The following RFC1 variants were observed in gnomAD, a reference collection of about 807,000 sequenced individuals.
RFC1 encodes the protein replication factor C subunit 1, also known as A1 140 kDa subunit.
A neutral mutation model predicts 137.4 loss-of-function variants in RFC1; 37 were observed. That is an observed-to-expected ratio of 0.27 (90% CI 0.21 to 0.35). The LOEUF is 0.35. RFC1 is among the 10% of genes least tolerant of loss of function. RFC1 has a pLI of 1.00. For synonymous variants in RFC1, 429 were observed against 455.7 expected, an observed-to-expected ratio of 0.94 and a Z score of 0.75; for missense variants, 1,205 against 1,358.5, an observed-to-expected ratio of 0.89 and a Z score of 1.78.
At position 39,308,761 on chromosome 4, in the gene RFC1, A is replaced by G; in HGVS notation, c.1760T>C (p.Val587Ala). 1 of 1,614,112 alleles carries G rather than the reference A, an allele frequency of 6.2e-7. No individual in the cohort carries two copies. Among genetic ancestry groups the G allele is most frequent in the Non-Finnish European group, 8.5e-7 (1 of 1,180,014 alleles). The part of the protein sequence containing the change: ...SENKVENLLW[V>A]DKYKPTSLKT... ...GAGCGAGGTTGGCTTATATTTATCC[A>G]CCCAGAGCAAATTTTCCACTTTGTT... The change falls in exon 13 of 25, where the codon GTG (valine) becomes GCG (alanine). Residue 587 changes from valine to alanine, a missense_variant. By Grantham distance (64) the Val-to-Ala change is moderately conservative. Around this residue, in one of 3 missense-constraint regions of RFC1, gnomAD observed 962 missense variants for 1,035.3 expected, o/e 0.93. Transcript: ENST00000349703.
intron 23 of RFC1, among the ~76,000 whole-genome samples, chr4:39,290,300 G>A (rs988488760): frequency 3.9e-5 from 6 of 151,948 alleles, no homozygotes; most frequent in African/African-American, 1.5e-4. Context: ...TTGAACCCAG[G>A]AGGTGGAGGT....
chr4:39,294,829 C>T (rs1393033950), intron 22 of RFC1, among the ~76,000 whole-genome samples: 1 of 152,132 alleles, frequency 6.6e-6, no homozygotes, highest in Non-Finnish European at 1.5e-5. Flanking sequence ...ACGATGAAAC[C>T]CCATATCTAC....
At chr4:39,320,180 T>C (rs1012522249) in intron 9 of RFC1, among the ~76,000 whole-genome samples, 2 of 151,816 alleles carry the variant, frequency 1.3e-5, no homozygotes, top group Admixed American at 1.3e-4. Context: ...AGAAACCCCG[T>C]CTCTACTAAA....
chr4:39,342,314 C>T (rs746621362), intron 4 of RFC1, 31 bp downstream of exon 4: 23 of 1,592,930 alleles, frequency 1.4e-5, no homozygotes, highest in African/African-American at 4.0e-5. Flanking sequence ...ATAACACACA[C>T]GGCATCTCAT....
At chr4:39,324,101 C>T (rs949562911) in intron 6 of RFC1, among the ~76,000 whole-genome samples, 1 of 152,152 alleles carries the variant, frequency 6.6e-6, no homozygotes, top group Non-Finnish European at 1.5e-5. Context: ...GAGTATCTTT[C>T]TCATTATAAA....
Position 39,291,728 on chromosome 4 carries a change from A to G in RFC1, c.3079T>C (p.Tyr1027His). Residue 1027 changes from tyrosine to histidine, a missense_variant, in exon 23 of 25, where the codon TAT (tyrosine) becomes CAT (histidine). Physicochemically the swap from Tyr to His is moderately conservative, Grantham distance 83 (BLOSUM62 2). Coordinates refer to ENST00000349703, the MANE Select transcript of RFC1 (RefSeq NM_002913.5). Reference sequence around the variant, plus strand: ...TCAAAGTCTTCTTTCATCAAATAATATGTGTCCATAAGTGCAACAACATCC... The same window carrying G: ...TCAAAGTCTTCTTTCATCAAATAATGTGTGTCCATAAGTGCAACAACATCC... ...VQDVVALMDT[Y>H]YLMKEDFENI... The G allele has an allele frequency of 6.2e-7, 1 of 1,614,022 alleles. No homozygotes were observed. Among genetic ancestry groups the G allele is most frequent in the South Asian group, 1.1e-5 (1 of 91,080 alleles).
chr4:39,337,099 G>C (rs1740391235), intron 4 of RFC1, among the ~76,000 whole-genome samples: 1 of 152,192 alleles, frequency 6.6e-6, no homozygotes, highest in Non-Finnish European at 1.5e-5. Context: ...TGTAGGCCAG[G>C]TGCAGTGGCT....
intron 21 of RFC1, among the ~76,000 whole-genome samples, chr4:39,299,610 CAA>C (rs970461214): frequency 1.5e-4 from 6 of 40,476 alleles, no homozygotes; most frequent in Non-Finnish European, 2.1e-4. Context: ...AACACTGTCT[CAA>C]AAAAAAAAAA....
Position 39,323,374 on chromosome 4 carries a change from A to G in RFC1, c.686T>C (p.Leu229Ser), listed in dbSNP as rs1215006062. 9 of 1,613,982 alleles carry G rather than the reference A, an allele frequency of 5.6e-6. No individual in the cohort carries two copies. The East Asian group carries it at 2.0e-4, about 36-fold the overall frequency. The part of the protein sequence containing the change: ...LHEDEEFART[L>S]AMLDEEPKTK... ...CTTGGGTTCTTCATCCAACATGGCT[A>G]ATGTTCTGGCAAACTCTTCATCTTC... is the stretch of plus-strand genomic sequence containing the variant. Residue 229 changes from leucine (L) to serine (S), a missense_variant, in exon 7 of 25, where the codon TTA becomes TCA. Leu to Ser is a moderately radical substitution (Grantham distance 145). Coordinates refer to ENST00000349703, the MANE Select transcript of RFC1 (RefSeq NM_002913.5).
intron 4 of RFC1, among the ~76,000 whole-genome samples, chr4:39,331,887 C>T (rs1357177210): frequency 6.6e-6 from 1 of 152,006 alleles, no homozygotes; most frequent in Non-Finnish European, 1.5e-5. Flanking sequence ...CTTGGCTGTG[C>T]CCTTAACCCA....
At chr4:39,365,324 C>CA (rs758174727) in intron 1 of RFC1, 66 of 346,166 alleles carry the variant, frequency 1.9e-4, no homozygotes, top group Non-Finnish European at 2.5e-4. Flanking sequence ...CGCCCCCCCC[C>CA]AGAATGTTGT....
chr4:39,297,784 C>T (rs551120545), intron 21 of RFC1: 1 of 152,228 alleles, frequency 6.6e-6, no homozygotes, highest in Admixed American at 6.5e-5. Flanking sequence ...AATTCCCTCA[C>T]AAGCACTTTT....
intron 13 of RFC1, among the ~76,000 whole-genome samples, chr4:39,307,899 T>C (rs1003427485): frequency 6.6e-6 from 1 of 152,212 alleles, no homozygotes; most frequent in Non-Finnish European, 1.5e-5. Flanking sequence ...GCAATGATGA[T>C]TGGCAATCTA....
intron 9 of RFC1, 55 bp downstream of exon 9, chr4:39,320,328 A>G: frequency 2.1e-6 from 3 of 1,427,312 alleles, no homozygotes; most frequent in Non-Finnish European, 2.7e-6. Context: ...CAACCTCAGC[A>G]ACAAGAGCAA....
intron 4 of RFC1, among the ~76,000 whole-genome samples, chr4:39,329,148 A>AAAAAAAAAAAAAAAAAC: frequency 7.2e-6 from 1 of 138,548 alleles, no homozygotes; most frequent in Non-Finnish European, 1.6e-5. Context: ...AAAAAAAAAA[A>AAAAAAAAAAAAAAAAAC]AAAAAGCTTT....
intron 14 of RFC1, among the ~76,000 whole-genome samples, chr4:39,305,740 T>C (rs1738607796): frequency 6.6e-6 from 1 of 152,106 alleles, no homozygotes; most frequent in Non-Finnish European, 1.5e-5. Flanking sequence ...CAAATTCTTC[T>C]GATTCATTTC....
chr4:39,353,992 T>G (rs1741339799), intron 1 of RFC1, among the ~76,000 whole-genome samples: 1 of 152,186 alleles, frequency 6.6e-6, no homozygotes, highest in African/African-American at 2.4e-5. Context: ...GGTTTTTGTC[T>G]GTACAAAAAT....
At chr4:39,320,313 C>T (rs958153166) in intron 9 of RFC1, 70 bp downstream of exon 9, 5 of 1,356,264 alleles carry the variant, frequency 3.7e-6, no homozygotes, top group Admixed American at 3.3e-5. Flanking sequence ...TGTGCCACTG[C>T]ACTCCAACCT....
rs149277358 is a variant in RFC1, at chr4:39,337,970, C to G, written c.331+4375G>C. On this transcript the variant is annotated intron_variant, in intron 4 of 24. Transcript: ENST00000349703. ...AACAATTCAAGACAGGAAAAACCCC[C>G]ACCATTTTCGATCAAACAACAGGCC... 3.3e-3 allele frequency among the ~76,000 whole-genome samples: 505 copies of G among 152,264 alleles called. 2 individuals carry two copies. The highest frequency in any genetic ancestry group is 0.012 in the African/African-American group (483 of 41,568).
Sources: gnomAD v4.1 joint callset for allele counts (sites outside exome capture counted in the v4.1 genomes callset) on GRCh38, gnomAD v4.1.1 for gene constraint, gnomAD v4.1.1 regional missense constraint, MANE v1.5 for transcripts, NCBI Gene and HGNC (gene_info 2026-07-23, HGNC 2026-07-21) for gene names.